RALB: variants seen among roughly 807,000 people sequenced by gnomAD.
RALB encodes RAS like proto-oncogene B, also known as ras-related protein Ral-B.
A neutral mutation model predicts 21.3 loss-of-function variants in RALB; 16 were observed. The ratio of observed to expected loss-of-function variants is 0.75; its 90% CI spans 0.51 to 1.14. The LOEUF (loss-of-function observed/expected upper bound fraction) is 1.14. Ranked by LOEUF, RALB falls within the 50% of genes most tolerant of loss-of-function variation. The pLI is 0.00. For missense variants in RALB, 161 were observed against 256.2 expected, an observed-to-expected ratio of 0.63 and a Z score of 2.54; for synonymous variants, 93 against 96.1, an observed-to-expected ratio of 0.97 and a Z score of 0.19.
intron 4 of RALB, among the ~76,000 whole-genome samples, chr2:120,291,698 T>G (rs1263881345): frequency 6.6e-6 from 1 of 152,224 alleles, no homozygotes; most frequent in Non-Finnish European, 1.5e-5. Context: ...TCTTGTCTTT[T>G]GCTGTTAGGA....
rs1171054565 is a variant in RALB at position 120,285,911 on chromosome 2, A to G, written c.152A>G (p.Tyr51Cys). Residue 51 changes from tyrosine (Y) to cysteine (C), a missense_variant, in exon 3 of 5, where the codon TAT becomes TGT. By Grantham distance (194) the Tyr-to-Cys change is radical (BLOSUM62 -2). Coordinates refer to ENST00000272519, the MANE Select transcript of RALB (RefSeq NM_002881.3). ...TATGAACCTACCAAAGCTGACAGTT[A>G]TAGAAAGAAAGTGGTTCTTGATGGG... ...EDYEPTKADS[Y>C]RKKVVLDGEE... 1 of 1,613,848 alleles carries G rather than the reference A, an allele frequency of 6.2e-7. No homozygotes were observed. The highest frequency in any genetic ancestry group is 8.5e-7 in the Non-Finnish European group (1 of 1,179,880).
rs548090223 is a variant in RALB at position 120,285,194 on chromosome 2, T to TG, written c.115-676dup. On this transcript the variant is annotated intron_variant, in intron 2 of 4. Coordinates refer to ENST00000272519, the MANE Select transcript of RALB (RefSeq NM_002881.3). ...CGCCAGGAAGAAGTGCAGAGCGAAGTGGGGAAAAGCCCCTTATGAAACCAT... is the reference window on the plus strand; with the variant it reads ...CGCCAGGAAGAAGTGCAGAGCGAAGTGGGGGAAAAGCCCCTTATGAAACCAT... Among the ~76,000 whole-genome samples, 329 of 152,220 alleles carry TG rather than the reference T, an allele frequency of 2.2e-3. 1 individual carries two copies. The highest frequency in any genetic ancestry group is 4.5e-3 in the Admixed American group (69 of 15,292).
intron 4 of RALB, among the ~76,000 whole-genome samples, chr2:120,291,754 C>T (rs937518600): frequency 6.6e-6 from 1 of 152,092 alleles, no homozygotes; most frequent in African/African-American, 2.4e-5. Context: ...CTGTTGCTGT[C>T]TTGGGCAGTG....
intron 1 of RALB, among the ~76,000 whole-genome samples, chr2:120,276,932 C>T (rs1224774709): frequency 1.3e-5 from 2 of 152,152 alleles, no homozygotes; most frequent in Non-Finnish European, 1.5e-5. Flanking sequence ...CCAAGCCCTG[C>T]CCTTTATTCT....
intron 1 of RALB, among the ~76,000 whole-genome samples, chr2:120,259,248 T>A (rs1311916530): frequency 6.6e-6 from 1 of 152,196 alleles, no homozygotes; most frequent in Non-Finnish European, 1.5e-5. Flanking sequence ...CAGCCTGCTT[T>A]TATTCTCTTA....
At chr2:120,283,309 C>T (rs1690043093) in intron 2 of RALB, among the ~76,000 whole-genome samples, 1 of 152,128 alleles carries the variant, frequency 6.6e-6, no homozygotes, top group Non-Finnish European at 1.5e-5. Context: ...CATCAGGTAT[C>T]GTTAGTGTTA....
chr2:120,259,915 C>T (rs1387199537), intron 1 of RALB, among the ~76,000 whole-genome samples: 3 of 152,192 alleles, frequency 2.0e-5, no homozygotes, highest in Admixed American at 6.5e-5. Flanking sequence ...CAGCCAAGGC[C>T]CGGCGAGAAA....
intron 4 of RALB, among the ~76,000 whole-genome samples, chr2:120,291,068 A>G (rs1690293110): frequency 6.6e-6 from 1 of 152,144 alleles, no homozygotes; most frequent in South Asian, 2.1e-4. Context: ...TTTTTATCCA[A>G]GCTTTATTTT....
intron 1 of RALB, among the ~76,000 whole-genome samples, chr2:120,240,787 C>G (rs927539057): frequency 6.6e-6 from 1 of 152,172 alleles, no homozygotes; most frequent in Admixed American, 6.5e-5. Flanking sequence ...CATGCCTTCT[C>G]CTGCATGTGC....
At chr2:120,245,527 G>A (rs566567347) in intron 1 of RALB, among the ~76,000 whole-genome samples, 3 of 152,302 alleles carry the variant, frequency 2.0e-5, no homozygotes, top group African/African-American at 7.2e-5. Flanking sequence ...GGTCAAGGCA[G>A]GGAGCAGTGG....
rs145597965 is a variant in RALB at position 120,289,748 on chromosome 2, C to T, written c.492C>T (p.Asn164=). The change falls in exon 4 of 5, where the codon AAC becomes AAT. Residue 164 remains asparagine (N), a synonymous_variant. Transcript: ENST00000272519. ...YVETSAKTRA[N]VDKVFFDLMR... is the part of the protein sequence containing the mutation. ...AGACGTCAGCGAAGACCCGGGCCAA[C>T]GTGGACAAGGTAGGCGTGAATTCTG... 8.1e-6 allele frequency: 13 copies of T among 1,606,596 alleles called. No individual in the cohort carries two copies. Among genetic ancestry groups the T allele is most frequent in the Middle Eastern group, 3.4e-4 (2 of 5,830 alleles).
chr2:120,243,202 C>T (rs1269345876), intron 1 of RALB, among the ~76,000 whole-genome samples: 1 of 152,134 alleles, frequency 6.6e-6, no homozygotes, highest in African/African-American at 2.4e-5. Flanking sequence ...CAGCTGGGGC[C>T]CCTCATGCAC....
intron 1 of RALB, chr2:120,253,544 C>T: frequency 8.1e-6 from 8 of 985,642 alleles, no homozygotes; most frequent in Non-Finnish European, 9.6e-6. Flanking sequence ...GAAGGGGCTT[C>T]TAAGGGGAAG....
chr2:120,257,955 A>AT (rs1689238706), intron 1 of RALB, among the ~76,000 whole-genome samples: 1 of 152,156 alleles, frequency 6.6e-6, no homozygotes, highest in South Asian at 2.1e-4. Flanking sequence ...AAACACTGCC[A>AT]TTTTTTAACA....
At chr2:120,263,035 G>A (rs1689406097) in intron 1 of RALB, among the ~76,000 whole-genome samples, 1 of 152,204 alleles carries the variant, frequency 6.6e-6, no homozygotes, top group African/African-American at 2.4e-5. Flanking sequence ...CATTCCTCAG[G>A]ACAAGGGGGA....
At chr2:120,256,170 G>T (rs985152598) in intron 1 of RALB, among the ~76,000 whole-genome samples, 7 of 152,188 alleles carry the variant, frequency 4.6e-5, no homozygotes, top group African/African-American at 1.7e-4. Context: ...TCTGAAGCTC[G>T]ACTGGGACCA....
intron 2 of RALB, 64 bp downstream of exon 2, chr2:120,278,842 G>T: frequency 7.2e-7 from 1 of 1,387,540 alleles, no homozygotes. Flanking sequence ...CCCTGCTCCC[G>T]CTGTTTCTGT....
intron 1 of RALB, among the ~76,000 whole-genome samples, chr2:120,258,613 G>C (rs73948774): frequency 0.027 from 4,139 of 152,324 alleles, 193 homozygotes; most frequent in African/African-American, 0.095. Context: ...AGGGGCTGGA[G>C]TGGTAATGAG....
intron 1 of RALB, among the ~76,000 whole-genome samples, chr2:120,263,590 C>T (rs1311882579): frequency 4.6e-5 from 7 of 152,248 alleles, no homozygotes; most frequent in East Asian, 1.9e-4. Flanking sequence ...GACGAAGTCT[C>T]GCTCTGTCAC....
Sources: allele counts gnomAD v4.1 joint callset (sites outside exome capture counted in the v4.1 genomes callset), GRCh38; gene constraint gnomAD v4.1.1; transcripts MANE v1.5; gene names NCBI Gene and HGNC (gene_info 2026-07-23, HGNC 2026-07-21).